COMMD10: variants seen among roughly 807,000 people sequenced by gnomAD.
COMMD10 encodes the protein COMM domain-containing protein 10.
In COMMD10, 33 loss-of-function variants were observed where a neutral mutation model predicts 28.9. The ratio of observed to expected loss-of-function variants is 1.14; its 90% CI spans 0.87 to 1.53. COMMD10 has a LOEUF of 1.53. Ranked by LOEUF, COMMD10 falls within the 40% of genes most tolerant of loss-of-function variation. COMMD10 has a pLI of 0.00. For synonymous variants in COMMD10, 110 were observed against 81.7 expected (o/e 1.35, Z -1.87); for missense variants, 310 against 233.4 (o/e 1.33, Z -2.14).
chr5:116,140,231 A>ATGTGTGTGTGTGTGTGTG (rs3072964), intron 5 of COMMD10, among the ~76,000 whole-genome samples: 3,500 of 147,004 alleles, frequency 0.024, 51 homozygotes, highest in Non-Finnish European at 0.031. Flanking sequence ...TCATACTACT[A>ATGTGTGTGTGTGTGTGTG]TGTGTGTGTG....
chr5:116,233,962 G>A (rs1749594852), intron 5 of COMMD10, among the ~76,000 whole-genome samples: 1 of 152,140 alleles, frequency 6.6e-6, no homozygotes, highest in African/African-American at 2.4e-5. Flanking sequence ...CTGGAAAGGT[G>A]AAGTTTTTAC....
intron 5 of COMMD10, among the ~76,000 whole-genome samples, chr5:116,289,870 T>C (rs1025481371): frequency 2.0e-5 from 3 of 151,944 alleles, no homozygotes; most frequent in African/African-American, 7.3e-5. Context: ...ATTGTTAACT[T>C]GGTACCTTAG....
intron 5 of COMMD10, among the ~76,000 whole-genome samples, chr5:116,173,689 T>C (rs1437387131): frequency 2.6e-5 from 4 of 152,144 alleles, no homozygotes; most frequent in East Asian, 1.9e-4. Flanking sequence ...TAGAGAGTTA[T>C]AGTTTCATAA....
intron 5 of COMMD10, among the ~76,000 whole-genome samples, chr5:116,268,363 C>G (rs1750659259): frequency 6.6e-6 from 1 of 151,902 alleles, no homozygotes; most frequent in Non-Finnish European, 1.5e-5. Context: ...CTCATCATCA[C>G]TGGCCATCAG....
At chr5:116,112,684 G>T (rs1036140292) in intron 4 of COMMD10, among the ~76,000 whole-genome samples, 1 of 152,092 alleles carries the variant, frequency 6.6e-6, no homozygotes, top group Non-Finnish European at 1.5e-5. Flanking sequence ...ATGAGCCACC[G>T]CTATATGGCC....
At chr5:116,131,994 G>C (rs1346757605) in intron 4 of COMMD10, among the ~76,000 whole-genome samples, 1 of 151,916 alleles carries the variant, frequency 6.6e-6, no homozygotes, top group Non-Finnish European at 1.5e-5. Flanking sequence ...TTTGTATATA[G>C]AGTTTGGATT....
chr5:116,174,828 T>A (rs61263877), intron 5 of COMMD10, among the ~76,000 whole-genome samples: 8,410 of 152,262 alleles, frequency 0.055, 342 homozygotes, highest in African/African-American at 0.12. Flanking sequence ...ACAGTTGTCC[T>A]TGAAGTCTAT....
At chr5:116,097,616 A>G (rs1352891262) in intron 4 of COMMD10, among the ~76,000 whole-genome samples, 1 of 152,192 alleles carries the variant, frequency 6.6e-6, no homozygotes, top group Non-Finnish European at 1.5e-5. Flanking sequence ...CCATTCTCAC[A>G]TTGCTATAAA....
intron 5 of COMMD10, among the ~76,000 whole-genome samples, chr5:116,245,907 C>G (rs1749940810): frequency 6.6e-6 from 1 of 152,096 alleles, no homozygotes; most frequent in East Asian, 1.9e-4. Flanking sequence ...TGGAAGCATT[C>G]CCCTTAAAAA....
chr5:116,178,788 C>A (rs749929279), intron 5 of COMMD10, among the ~76,000 whole-genome samples: 1 of 151,998 alleles, frequency 6.6e-6, no homozygotes, highest in East Asian at 1.9e-4. Flanking sequence ...AAGTTAATGC[C>A]CTGATTTATT....
intron 5 of COMMD10, among the ~76,000 whole-genome samples, chr5:116,259,263 A>G (rs896751601): frequency 4.0e-5 from 6 of 150,242 alleles, no homozygotes; most frequent in African/African-American, 1.5e-4. Context: ...GGATCTCACC[A>G]TGTTGGCCAG....
chr5:116,226,171 G>A (rs973053386), intron 5 of COMMD10, among the ~76,000 whole-genome samples: 1 of 151,848 alleles, frequency 6.6e-6, no homozygotes, highest in African/African-American at 2.4e-5. Flanking sequence ...AAAGTTTGAA[G>A]TATCTTCAAG....
At chr5:116,200,838 A>G (rs1386387900) in intron 5 of COMMD10, among the ~76,000 whole-genome samples, 3 of 152,082 alleles carry the variant, frequency 2.0e-5, no homozygotes, top group Admixed American at 2.0e-4. Context: ...TAGCATATTA[A>G]TCACAGTTGT....
chr5:116,264,947 A>G (rs1171371847), intron 5 of COMMD10, among the ~76,000 whole-genome samples: 1 of 151,866 alleles, frequency 6.6e-6, no homozygotes, highest in African/African-American at 2.4e-5. Flanking sequence ...CAGAGTAGCT[A>G]ACATTTAATT....
chr5:116,099,856 T>C (rs187527266), intron 4 of COMMD10, among the ~76,000 whole-genome samples: 11 of 152,304 alleles, frequency 7.2e-5, no homozygotes, highest in Non-Finnish European at 1.5e-4. Context: ...TAACCTCTTA[T>C]ACATGGTTTA....
At chr5:116,088,422 AT>A (rs35509764) in intron 2 of COMMD10, among the ~76,000 whole-genome samples, 2,380 of 152,312 alleles carry the variant, frequency 0.016, 25 homozygotes, top group Middle Eastern at 0.027. Context: ...CTGCTTCATA[AT>A]ACTATGTAAA....
At chr5:116,180,389 A>G (rs143622462) in intron 5 of COMMD10, among the ~76,000 whole-genome samples, 2 of 152,208 alleles carry the variant, frequency 1.3e-5, no homozygotes, top group African/African-American at 2.4e-5. Context: ...TTATTCATTT[A>G]TCTTTTGTTT....
intron 5 of COMMD10, among the ~76,000 whole-genome samples, chr5:116,248,985 G>C (rs1483685533): frequency 6.6e-6 from 1 of 151,924 alleles, no homozygotes; most frequent in African/African-American, 2.4e-5. Flanking sequence ...AAATGGTACT[G>C]TGCCCATTAT....
chr5:116,227,154 A>T (rs1404057419), intron 5 of COMMD10, among the ~76,000 whole-genome samples: 1 of 152,040 alleles, frequency 6.6e-6, no homozygotes, highest in African/African-American at 2.4e-5. Flanking sequence ...ATCGCTTAAA[A>T]AGTATCACTA....
Sources: gnomAD v4.1 joint callset for allele counts (sites outside exome capture counted in the v4.1 genomes callset) on GRCh38, gnomAD v4.1.1 for gene constraint, MANE v1.5 for transcripts, NCBI Gene and HGNC (gene_info 2026-07-23, HGNC 2026-07-21) for gene names.